The following KPNA4 variants were observed in gnomAD, a reference collection of about 807,000 sequenced individuals.
The protein encoded by KPNA4 is karyopherin subunit alpha 4, also known as importin subunit alpha-3.
A neutral mutation model predicts 71.3 loss-of-function variants in KPNA4; 13 were observed. The observed-to-expected ratio is 0.18, with a 90% confidence interval of 0.12 to 0.29. The LOEUF (loss-of-function observed/expected upper bound fraction) is 0.29, where lower values mean the gene tolerates loss of function less well. KPNA4 is among the 10% of genes least tolerant of loss of function. KPNA4 has a pLI of 1.00. For missense variants in KPNA4, 334 were observed against 603.2 expected (o/e 0.55, Z 4.67); for synonymous variants, 189 against 195.2 (o/e 0.97, Z 0.26).
chr3:160,546,501 G>C (rs547858918), intron 1 of KPNA4, among the ~76,000 whole-genome samples: 23 of 152,150 alleles, frequency 1.5e-4, no homozygotes, highest in Non-Finnish European at 2.1e-4. Context: ...CTGGGTGATA[G>C]AGCAAGACTC....
intron 5 of KPNA4, 109 bp from the exon 6 acceptor site, chr3:160,531,666 G>A: frequency 2.0e-6 from 1 of 502,898 alleles, no homozygotes. Context: ...TTTGGTACAA[G>A]TGCCTTCTCT....
chr3:160,546,501 G>A (rs547858918), intron 1 of KPNA4, among the ~76,000 whole-genome samples: 2 of 152,150 alleles, frequency 1.3e-5, no homozygotes, highest in Non-Finnish European at 2.9e-5. Flanking sequence ...CTGGGTGATA[G>A]AGCAAGACTC....
chr3:160,523,822 G>A (rs934171319), intron 10 of KPNA4, among the ~76,000 whole-genome samples: 4 of 152,054 alleles, frequency 2.6e-5, no homozygotes, highest in Admixed American at 6.6e-5. Flanking sequence ...CTGCACTCCA[G>A]CCTGGGAAAC....
intron 14 of KPNA4, among the ~76,000 whole-genome samples, chr3:160,508,583 G>A (rs1335591604): frequency 1.3e-5 from 2 of 151,512 alleles, no homozygotes; most frequent in Non-Finnish European, 2.9e-5. Context: ...TATGAAATCA[G>A]TTAAGGAGGC....
chr3:160,508,712 G>A (rs1412346035), intron 14 of KPNA4, among the ~76,000 whole-genome samples: 2 of 151,908 alleles, frequency 1.3e-5, no homozygotes, highest in African/African-American at 4.8e-5. Context: ...AGAGACGGGG[G>A]TCTCACTATG....
chr3:160,503,167 C>T (rs911105693), intron 16 of KPNA4, among the ~76,000 whole-genome samples: 1 of 151,624 alleles, frequency 6.6e-6, no homozygotes, highest in Non-Finnish European at 1.5e-5. Context: ...CGGGCAAGTA[C>T]ATAAAGACAA....
At chr3:160,533,117 A>G (rs1721606357) in intron 5 of KPNA4, among the ~76,000 whole-genome samples, 1 of 151,974 alleles carries the variant, frequency 6.6e-6, no homozygotes, top group Admixed American at 6.6e-5. Flanking sequence ...TCTGCTTCCC[A>G]GGTTCGAGCA....
intron 8 of KPNA4, among the ~76,000 whole-genome samples, chr3:160,527,743 T>C (rs1427394764): frequency 1.3e-5 from 2 of 152,152 alleles, no homozygotes; most frequent in Non-Finnish European, 2.9e-5. Flanking sequence ...GAGCTAACTA[T>C]ATACCAAAAA....
At chr3:160,534,078 A>C (rs961786046) in intron 5 of KPNA4, among the ~76,000 whole-genome samples, 2 of 152,210 alleles carry the variant, frequency 1.3e-5, no homozygotes, top group African/African-American at 4.8e-5. Flanking sequence ...CTGTAATTTT[A>C]TAACTTCCCT....
intron 1 of KPNA4, among the ~76,000 whole-genome samples, chr3:160,555,209 T>C (rs1722112541): frequency 6.6e-6 from 1 of 152,202 alleles, no homozygotes; most frequent in Non-Finnish European, 1.5e-5. Flanking sequence ...GTCAGAAGTA[T>C]TGTGTTGAGT....
At chr3:160,556,877 T>C (rs1722147809) in intron 1 of KPNA4, among the ~76,000 whole-genome samples, 1 of 152,216 alleles carries the variant, frequency 6.6e-6, no homozygotes, top group African/African-American at 2.4e-5. Flanking sequence ...TATAGATATA[T>C]CTGTAGTAAA....
intron 1 of KPNA4, among the ~76,000 whole-genome samples, chr3:160,540,103 A>C (rs1046908035): frequency 1.7e-4 from 25 of 149,330 alleles, no homozygotes; most frequent in African/African-American, 5.9e-4. Context: ...GGGTTCAAGC[A>C]ATTCTCCTGC....
intron 1 of KPNA4, chr3:160,564,373 G>A (rs1310761374): frequency 6.6e-6 from 1 of 152,060 alleles, no homozygotes; most frequent in Non-Finnish European, 1.5e-5. Flanking sequence ...GGAGGGAAAG[G>A]ATACTGTAGA....
intron 1 of KPNA4, among the ~76,000 whole-genome samples, chr3:160,562,481 T>G (rs1218156761): frequency 6.6e-6 from 1 of 152,186 alleles, no homozygotes; most frequent in Admixed American, 6.5e-5. Flanking sequence ...TAAAGGGTGA[T>G]TAAGTGTTTA....
In KPNA4 at chr3:160,535,793, A is replaced by G. The variant is rs1252482939; in HGVS notation, c.204+15T>C. On this transcript the variant is annotated intron_variant, in intron 3 of 16. Coordinates refer to ENST00000334256, the MANE Select transcript of KPNA4 (RefSeq NM_002268.5). ...GTACTTTTAAGTTACCAGAATAACA[A>G]TAACAATGACTTACCACTCTATAAT... is the stretch of plus-strand genomic sequence containing the variant. The G allele has an allele frequency of 9.6e-6, 15 of 1,558,380 alleles. No individual in the cohort carries two copies. Among genetic ancestry groups the G allele is most frequent in the East Asian group, 4.6e-5 (2 of 43,794 alleles).
chr3:160,528,323 G>A (rs1300524150), intron 7 of KPNA4, among the ~76,000 whole-genome samples: 1 of 151,574 alleles, frequency 6.6e-6, no homozygotes, highest in African/African-American at 2.4e-5. Context: ...ATTCCTTATA[G>A]ATTATCTGTA....
intron 10 of KPNA4, among the ~76,000 whole-genome samples, chr3:160,523,979 T>C (rs1016560935): frequency 2.0e-5 from 3 of 152,210 alleles, no homozygotes; most frequent in Admixed American, 1.3e-4. Context: ...TTTGTTGACA[T>C]AGGCCAAAAA....
At chr3:160,541,649 G>GCACA (rs60806533) in intron 1 of KPNA4, among the ~76,000 whole-genome samples, 18,855 of 146,520 alleles carry the variant, frequency 0.13, 1,248 homozygotes, top group African/African-American at 0.16. Flanking sequence ...TTATATACGC[G>GCACA]CACACACACA....
intron 1 of KPNA4, among the ~76,000 whole-genome samples, chr3:160,554,391 G>T (rs1390742109): frequency 6.6e-6 from 1 of 152,024 alleles, no homozygotes; most frequent in Admixed American, 6.6e-5. Context: ...CCCAACCCCT[G>T]GCAACCACTA....
Sources: allele counts gnomAD v4.1 joint callset (sites outside exome capture counted in the v4.1 genomes callset), GRCh38; gene constraint gnomAD v4.1.1; transcripts MANE v1.5; gene names NCBI Gene and HGNC (gene_info 2026-07-23, HGNC 2026-07-21).